The following CNTNAP4 variants were observed in gnomAD, a reference collection of about 807,000 sequenced individuals.
CNTNAP4 encodes contactin associated protein family member 4.
Under a neutral mutation model 148.4 loss-of-function variants are expected in CNTNAP4, and 98 were observed. The observed-to-expected ratio is 0.66, with a 90% confidence interval of 0.56 to 0.78. The LOEUF (loss-of-function observed/expected upper bound fraction) is 0.78. CNTNAP4 is among the 30% of genes least tolerant of loss of function. The probability of loss-of-function intolerance (pLI) is 0.00; values close to 1 mark genes in which losing one functional copy is unlikely to be tolerated. For missense variants in CNTNAP4, 1,935 were observed against 1,565.6 expected (o/e 1.24, Z -3.98); for synonymous variants, 730 against 565.1 (o/e 1.29, Z -4.14).
intron 20 of CNTNAP4, among the ~76,000 whole-genome samples, chr16:76,540,107 T>C (rs1332732150): frequency 2.6e-5 from 4 of 151,960 alleles, no homozygotes. Context: ...TGTCATAGTG[T>C]GCTACTGGTA....
At chr16:76,462,784 C>T (rs1031300059) in intron 9 of CNTNAP4, among the ~76,000 whole-genome samples, 2 of 152,088 alleles carry the variant, frequency 1.3e-5, no homozygotes, top group African/African-American at 2.4e-5. Context: ...GTTAGAAATC[C>T]AATGTTTTAA....
chr16:76,459,473 A>G (rs2080859065), intron 8 of CNTNAP4, among the ~76,000 whole-genome samples: 1 of 152,158 alleles, frequency 6.6e-6, no homozygotes, highest in African/African-American at 2.4e-5. Flanking sequence ...GATGTGATGT[A>G]AAAGTGAGCT....
intron 3 of CNTNAP4, among the ~76,000 whole-genome samples, chr16:76,357,049 A>G (rs957226693): frequency 6.9e-6 from 1 of 145,192 alleles, no homozygotes; most frequent in Admixed American, 7.2e-5. Context: ...AAACAAAACA[A>G]CAAAACAAAA....
At chr16:76,398,516 C>A (rs1437527886) in intron 3 of CNTNAP4, among the ~76,000 whole-genome samples, 5 of 152,108 alleles carry the variant, frequency 3.3e-5, no homozygotes, top group African/African-American at 1.2e-4. Context: ...CTGCAAAGAG[C>A]AGCTACATGC....
At chr16:76,372,457 A>C (rs1390415826) in intron 3 of CNTNAP4, among the ~76,000 whole-genome samples, 1 of 151,988 alleles carries the variant, frequency 6.6e-6, no homozygotes. Context: ...TGGTCCCACC[A>C]AAATCTTATC....
intron 3 of CNTNAP4, among the ~76,000 whole-genome samples, chr16:76,372,111 G>C (rs1335177115): frequency 1.3e-5 from 2 of 150,728 alleles, no homozygotes; most frequent in African/African-American, 2.4e-5. Flanking sequence ...TTATATGTTG[G>C]CTGATAATGG....
chr16:76,394,098 T>G (rs1388677626), intron 3 of CNTNAP4, among the ~76,000 whole-genome samples: 1 of 152,188 alleles, frequency 6.6e-6, no homozygotes, highest in Admixed American at 6.5e-5. Flanking sequence ...AGCTCTGGCT[T>G]CTACAACATC....
intron 17 of CNTNAP4, among the ~76,000 whole-genome samples, chr16:76,523,216 C>A (rs1026329600): frequency 3.3e-5 from 5 of 151,786 alleles, no homozygotes; most frequent in African/African-American, 1.2e-4. Context: ...CCAGCCGATG[C>A]CAAACATTGA....
chr16:76,520,893 C>G (rs1479917188), intron 15 of CNTNAP4, among the ~76,000 whole-genome samples: 1 of 152,046 alleles, frequency 6.6e-6, no homozygotes, highest in Non-Finnish European at 1.5e-5. Context: ...AACATTTAGA[C>G]CATTTCTGTA....
chr16:76,470,497 A>ATAT (rs398119511), intron 10 of CNTNAP4, among the ~76,000 whole-genome samples: 4 of 137,492 alleles, frequency 2.9e-5, no homozygotes, highest in African/African-American at 1.2e-4. Context: ...ATATATATAT[A>ATAT]AAATTAGTCG....
chr16:76,470,685 G>T lies in CNTNAP4; in HGVS notation c.1655+3162G>T, dbSNP rs377213988. Among the ~76,000 whole-genome samples the T allele has an allele frequency of 9.3e-5, 14 of 150,974 alleles. No homozygotes were observed. In the East Asian group the frequency reaches 2.7e-3, roughly 30 times the overall value. On this transcript the variant is annotated intron_variant, in intron 10 of 23. Transcript: ENST00000611870. Reference sequence around the variant, plus strand: ...AAACAAACAAACAAAAAACCAGGAAGTAACATTAAAAACATTAACAATCTG... The same window carrying T: ...AAACAAACAAACAAAAAACCAGGAATTAACATTAAAAACATTAACAATCTG...
intron 15 of CNTNAP4, among the ~76,000 whole-genome samples, chr16:76,502,790 G>T (rs77215004): frequency 0.2 from 29,616 of 151,644 alleles, 3,195 homozygotes; most frequent in Admixed American, 0.32. Flanking sequence ...TGAGACAGGA[G>T]ATTAACACTT....
intron 4 of CNTNAP4, among the ~76,000 whole-genome samples, chr16:76,434,499 A>G (rs940545504): frequency 6.6e-6 from 1 of 152,162 alleles, no homozygotes; most frequent in Admixed American, 6.5e-5. Context: ...TCACCACTTG[A>G]TTAAGCTTAC....
At chr16:76,327,943 C>T (rs981282386) in intron 2 of CNTNAP4, among the ~76,000 whole-genome samples, 7 of 152,226 alleles carry the variant, frequency 4.6e-5, no homozygotes, top group Admixed American at 1.3e-4. Flanking sequence ...CTGCGTGCCA[C>T]ATCTGTCCTG....
chr16:76,404,775 A>G (rs1256138989), intron 3 of CNTNAP4, among the ~76,000 whole-genome samples: 2 of 152,166 alleles, frequency 1.3e-5, no homozygotes, highest in African/African-American at 4.8e-5. Context: ...TGAGATCTTC[A>G]AAATTTATGA....
chr16:76,397,920 AG>A (rs2078257779), intron 3 of CNTNAP4, among the ~76,000 whole-genome samples: 1 of 119,474 alleles, frequency 8.4e-6, no homozygotes, highest in Non-Finnish European at 1.7e-5. Flanking sequence ...GGTTCTCTAG[AG>A]GGACAGAACT....
chr16:76,425,948 A>C (rs1290668503), intron 3 of CNTNAP4, among the ~76,000 whole-genome samples: 1 of 152,180 alleles, frequency 6.6e-6, no homozygotes, highest in Non-Finnish European at 1.5e-5. Flanking sequence ...GGTGATGGCA[A>C]AGAACAAAAT....
chr16:76,427,731 C>CT, intron 4 of CNTNAP4, 132 bp downstream of exon 4: 1 of 771,516 alleles, frequency 1.3e-6, no homozygotes, highest in Non-Finnish European at 2.0e-6. Flanking sequence ...TTGTGGAAAG[C>CT]TTTTTTGTGC....
At chr16:76,467,289 T>C in intron 9 of CNTNAP4, 63 bp from the exon 10 acceptor site, 1 of 1,418,880 alleles carries the variant, frequency 7.0e-7, no homozygotes, top group South Asian at 1.2e-5. Context: ...TTAAATGAAG[T>C]TATCTATGAT....
Sources: allele counts gnomAD v4.1 joint callset (sites outside exome capture counted in the v4.1 genomes callset), GRCh38; gene constraint gnomAD v4.1.1; transcripts MANE v1.5; gene names NCBI Gene and HGNC (gene_info 2026-07-23, HGNC 2026-07-21).